CHST11: variants seen among roughly 807,000 people sequenced by gnomAD.
The protein encoded by CHST11 is carbohydrate sulfotransferase 11, also known as C4S-1.
A neutral mutation model predicts 30.4 loss-of-function variants in CHST11; 9 were observed. The observed-to-expected ratio is 0.30, with a 90% CI of 0.18 to 0.52. CHST11 has a LOEUF of 0.52. CHST11 is among the 20% of genes least tolerant of loss of function. CHST11 has a pLI of 0.97. For synonymous variants in CHST11, 152 were observed against 187.8 expected (o/e 0.81, Z 1.56); for missense variants, 348 against 460.6 (o/e 0.76, Z 2.24).
chr12:104,669,932 T>C (rs966846781), intron 2 of CHST11, among the ~76,000 whole-genome samples: 2 of 152,188 alleles, frequency 1.3e-5, no homozygotes, highest in African/African-American at 4.8e-5. Flanking sequence ...GAGAACTGAG[T>C]TGATGCATAT....
intron 1 of CHST11, among the ~76,000 whole-genome samples, chr12:104,575,091 G>T (rs947430171): frequency 6.6e-6 from 1 of 151,902 alleles, no homozygotes; most frequent in African/African-American, 2.4e-5. Context: ...TACTCAGGAG[G>T]CTGAGGCACA....
intron 1 of CHST11, among the ~76,000 whole-genome samples, chr12:104,501,052 T>A (rs2135974449): frequency 6.6e-6 from 1 of 152,326 alleles, no homozygotes; most frequent in East Asian, 1.9e-4. Flanking sequence ...GGACACTTCA[T>A]TATGCCTTCG....
At position 104,625,408 on chromosome 12, in the gene CHST11, G is replaced by A. The variant is rs371005769; in HGVS notation, c.204+23417G>A. On this transcript the variant is annotated intron_variant, in intron 2 of 2. Coordinates refer to ENST00000303694, the MANE Select transcript of CHST11 (RefSeq NM_018413.6). ...CAACCTCTGCCTCCCGGGTTCAAGC[G>A]ATTCTCCTGCCTCAGCCTCCTGAGT... 3.3e-4 allele frequency among the ~76,000 whole-genome samples: 50 copies of A among 152,234 alleles called. 1 individual carries two copies. In the East Asian group the frequency reaches 5.2e-3, roughly 16 times the overall value.
intron 1 of CHST11, among the ~76,000 whole-genome samples, chr12:104,480,405 G>C (rs932751832): frequency 6.6e-6 from 1 of 151,884 alleles, no homozygotes; most frequent in East Asian, 1.9e-4. Flanking sequence ...GTGAAACCCC[G>C]TCTCTACTAA....
chr12:104,728,449 A>G (rs924356258), intron 2 of CHST11, among the ~76,000 whole-genome samples: 2 of 138,250 alleles, frequency 1.4e-5, no homozygotes, highest in Non-Finnish European at 3.0e-5. Flanking sequence ...ACTCTTCCTT[A>G]AAAAAAAACA....
chr12:104,487,255 T>C (rs1281002310), intron 1 of CHST11, among the ~76,000 whole-genome samples: 1 of 152,082 alleles, frequency 6.6e-6, no homozygotes, highest in African/African-American at 2.4e-5. Flanking sequence ...AATATGTTGG[T>C]TTTTCTTTTT....
At position 104,488,500 on chromosome 12, in the gene CHST11, TC is replaced by T. The variant is rs1481249949; in HGVS notation, c.118+30973del. On this transcript the variant is annotated intron_variant, in intron 1 of 2. Coordinates refer to ENST00000303694, the MANE Select transcript of CHST11 (RefSeq NM_018413.6). ...ATGTGTATGAGTGTGTGTATGTGTG[TC>T]CGTGTATATGTGTGTGTATCTCTGT... Among the ~76,000 whole-genome samples the T allele has an allele frequency of 2.6e-5, 4 of 151,888 alleles. No individual in the cohort carries two copies. The South Asian group carries it at 8.3e-4, about 32-fold the overall frequency.
intron 2 of CHST11, among the ~76,000 whole-genome samples, chr12:104,677,046 T>G (rs1169581055): frequency 6.6e-6 from 1 of 152,148 alleles, no homozygotes; most frequent in Non-Finnish European, 1.5e-5. Context: ...CCTGCCCCAT[T>G]TCCTCCTTTC....
chr12:104,646,728 G>T (rs1433990495), intron 2 of CHST11, among the ~76,000 whole-genome samples: 1 of 152,150 alleles, frequency 6.6e-6, no homozygotes, highest in Admixed American at 6.5e-5. Flanking sequence ...TATTTCCTTT[G>T]CACCCCTCTC....
chr12:104,506,759 G>A (rs548052178), intron 1 of CHST11, among the ~76,000 whole-genome samples: 12 of 152,174 alleles, frequency 7.9e-5, no homozygotes, highest in African/African-American at 2.4e-4. Flanking sequence ...GAGTTGCTCC[G>A]ACAGACCTTT....
intron 1 of CHST11, among the ~76,000 whole-genome samples, chr12:104,537,974 G>A (rs1229262323): frequency 7.2e-5 from 11 of 152,162 alleles, no homozygotes; most frequent in Admixed American, 6.5e-4. Flanking sequence ...GGGATTCCAG[G>A]CATTAGCCAC....
chr12:104,557,858 TG>T (rs907131464), intron 1 of CHST11, among the ~76,000 whole-genome samples: 11 of 152,036 alleles, frequency 7.2e-5, no homozygotes, highest in African/African-American at 2.7e-4. Flanking sequence ...TCAACCAGTG[TG>T]GGCTGGAGCA....
At chr12:104,539,466 T>C (rs1207728693) in intron 1 of CHST11, among the ~76,000 whole-genome samples, 1 of 152,206 alleles carries the variant, frequency 6.6e-6, no homozygotes, top group Non-Finnish European at 1.5e-5. Flanking sequence ...ATTGCAAGTG[T>C]CTGTATGGGG....
At chr12:104,589,402 A>G (rs1007206494) in intron 1 of CHST11, among the ~76,000 whole-genome samples, 4 of 25,626 alleles carry the variant, frequency 1.6e-4, no homozygotes, top group African/African-American at 2.6e-4. Context: ...TCTTGTCTCA[A>G]AAAAAAAAAA....
At chr12:104,515,449 T>C (rs1291159129) in intron 1 of CHST11, among the ~76,000 whole-genome samples, 1 of 152,186 alleles carries the variant, frequency 6.6e-6, no homozygotes, top group Non-Finnish European at 1.5e-5. Flanking sequence ...GTGTTAAAGC[T>C]TGGGGAAAGC....
chr12:104,659,170 G>C (rs2039573715), intron 2 of CHST11, among the ~76,000 whole-genome samples: 1 of 152,214 alleles, frequency 6.6e-6, no homozygotes. Flanking sequence ...TGATGCCATG[G>C]ATAAGAGCAC....
At chr12:104,591,029 C>T (rs1241752428) in intron 1 of CHST11, among the ~76,000 whole-genome samples, 10 of 152,002 alleles carry the variant, frequency 6.6e-5, no homozygotes, top group Admixed American at 2.6e-4. Context: ...CCTGATGATG[C>T]GGTCAGAGGG....
intron 1 of CHST11, among the ~76,000 whole-genome samples, chr12:104,460,508 A>T (rs533245316): frequency 6.6e-6 from 1 of 152,084 alleles, no homozygotes; most frequent in Non-Finnish European, 1.5e-5. Context: ...TACTAAAAAT[A>T]CAAAAATTAG....
At chr12:104,756,309 T>C (rs1038116917) in intron 2 of CHST11, among the ~76,000 whole-genome samples, 1 of 152,150 alleles carries the variant, frequency 6.6e-6, no homozygotes, top group Non-Finnish European at 1.5e-5. Context: ...CTGGGTAGAC[T>C]GTGAGTACTG....
Sources: allele counts gnomAD v4.1 joint callset (sites outside exome capture counted in the v4.1 genomes callset), GRCh38; gene constraint gnomAD v4.1.1; transcripts MANE v1.5; gene names NCBI Gene and HGNC (gene_info 2026-07-23, HGNC 2026-07-21).